The following KCNH5 variants were observed in gnomAD, a reference collection of about 807,000 sequenced individuals.
The protein encoded by KCNH5 is voltage-gated delayed rectifier potassium channel KCNH5.
A neutral mutation model predicts 96.1 loss-of-function variants in KCNH5; 46 were observed. The ratio of observed to expected loss-of-function variants is 0.48; its 90% CI spans 0.38 to 0.61. The LOEUF (loss-of-function observed/expected upper bound fraction) is 0.61, where lower values mean the gene tolerates loss of function less well. KCNH5 is among the 20% of genes least tolerant of loss of function. The probability of loss-of-function intolerance (pLI) is 0.00; values close to 1 mark genes in which losing one functional copy is unlikely to be tolerated. For missense variants in KCNH5, 907 were observed against 1,225.8 expected (o/e 0.74, Z 3.88); for synonymous variants, 439 against 449.8 (o/e 0.98, Z 0.30).
intron 5 of KCNH5, among the ~76,000 whole-genome samples, chr14:62,986,731 A>G (rs992667327): frequency 2.0e-5 from 3 of 152,066 alleles, no homozygotes; most frequent in Non-Finnish European, 2.9e-5. Flanking sequence ...TTCTTATTTA[A>G]CTTTACATCC....
intron 9 of KCNH5, among the ~76,000 whole-genome samples, chr14:62,797,273 T>G (rs554950990): frequency 6.6e-6 from 1 of 152,346 alleles, no homozygotes; most frequent in East Asian, 1.9e-4. Context: ...AGTGTATATT[T>G]TGAACCATAG....
At chr14:62,841,400 A>G (rs1272500871) in intron 8 of KCNH5, among the ~76,000 whole-genome samples, 1 of 152,230 alleles carries the variant, frequency 6.6e-6, no homozygotes, top group Non-Finnish European at 1.5e-5. Flanking sequence ...CAATCAAGGC[A>G]GCTCAGAATA....
chr14:62,876,294 A>C (rs1418999110), intron 7 of KCNH5, among the ~76,000 whole-genome samples: 1 of 152,244 alleles, frequency 6.6e-6, no homozygotes, highest in African/African-American at 2.4e-5. Flanking sequence ...CCTAAGATTC[A>C]AAGTAAATAA....
At chr14:63,041,053 AAAGGTATT>A (rs1482063963) in intron 1 of KCNH5, among the ~76,000 whole-genome samples, 3 of 152,006 alleles carry the variant, frequency 2.0e-5, no homozygotes, top group African/African-American at 7.2e-5. Flanking sequence ...TTTCTAGTTA[AAAGGTATT>A]AATTTGTAGT....
At position 62,903,074 on chromosome 14, in the gene KCNH5, CACAA is replaced by C. The variant is rs1362233114; in HGVS notation, c.1369+47055_1369+47058del. On this transcript the variant is annotated intron_variant, in intron 7 of 10. Coordinates refer to ENST00000322893, the MANE Select transcript of KCNH5 (RefSeq NM_139318.5). ...AATGTATGACAACTATGTGATTTTT[CACAA>C]ATTATTTAAAAATCTGAAAACTGAA... 1.4e-4 allele frequency among the ~76,000 whole-genome samples: 21 copies of C among 152,258 alleles called. 1 individual carries two copies. The East Asian group carries it at 3.9e-3, about 28-fold the overall frequency.
chr14:62,967,061 T>C (rs1310091291), intron 6 of KCNH5, among the ~76,000 whole-genome samples: 1 of 152,152 alleles, frequency 6.6e-6, no homozygotes, highest in African/African-American at 2.4e-5. Flanking sequence ...ATGCTCTACC[T>C]AATCTAATAC....
chr14:62,788,398 C>T (rs1886363800), intron 9 of KCNH5, among the ~76,000 whole-genome samples: 1 of 152,142 alleles, frequency 6.6e-6, no homozygotes, highest in Admixed American at 6.6e-5. Flanking sequence ...AAAGTGGTTT[C>T]TTGAGACAGA....
In KCNH5 at chr14:62,776,740, T is replaced by C. The variant is rs541938806; in HGVS notation, c.2019+2988A>G. Among the ~76,000 whole-genome samples the C allele has an allele frequency of 5.1e-4, 78 of 152,354 alleles. 1 individual carries two copies. Among genetic ancestry groups the C allele is most frequent in the African/African-American group, 1.8e-3 (74 of 41,598 alleles). Reference sequence around the variant, plus strand: ...TTTGATGGAATTCTAGTTATAGCTCTAGAATTTTTACATAGAGGGGCTTAA... The same window carrying C: ...TTTGATGGAATTCTAGTTATAGCTCCAGAATTTTTACATAGAGGGGCTTAA... On this transcript the variant is annotated intron_variant, in intron 10 of 10. Coordinates refer to ENST00000322893, the MANE Select transcript of KCNH5 (RefSeq NM_139318.5).
chr14:62,803,160 A>G (rs1006683554), intron 8 of KCNH5, among the ~76,000 whole-genome samples: 3 of 152,288 alleles, frequency 2.0e-5, no homozygotes, highest in South Asian at 4.1e-4. Flanking sequence ...CAAAACAAAA[A>G]CAAAACAGTT....
At chr14:63,006,611 T>G in intron 2 of KCNH5, 139 bp from the exon 3 acceptor site, 1 of 587,608 alleles carries the variant, frequency 1.7e-6, no homozygotes, top group Non-Finnish European at 3.0e-6. Context: ...AGTCAAATCA[T>G]GAGAGGCAGT....
At chr14:62,712,892 A>G (rs1393330558) in intron 10 of KCNH5, among the ~76,000 whole-genome samples, 1 of 152,148 alleles carries the variant, frequency 6.6e-6, no homozygotes, top group African/African-American at 2.4e-5. Flanking sequence ...CTTCAAGGAC[A>G]CCTTGTGTTT....
chr14:62,922,366 T>C (rs8004918), intron 7 of KCNH5, among the ~76,000 whole-genome samples: 18,936 of 152,024 alleles, frequency 0.12, 1,372 homozygotes, highest in East Asian at 0.28. Context: ...ATAGTAGACA[T>C]GCATATATAT....
At chr14:62,927,292 T>C (rs1243636742) in intron 7 of KCNH5, among the ~76,000 whole-genome samples, 1 of 152,086 alleles carries the variant, frequency 6.6e-6, no homozygotes, top group Non-Finnish European at 1.5e-5. Flanking sequence ...TTGGTGGGAA[T>C]GTGAAATGGT....
At chr14:62,990,819 T>C (rs1338860568) in intron 4 of KCNH5, among the ~76,000 whole-genome samples, 36 of 152,012 alleles carry the variant, frequency 2.4e-4, no homozygotes, top group Admixed American at 2.3e-3. Context: ...TGGAGAGGCC[T>C]TGGGAAAGAT....
intron 7 of KCNH5, among the ~76,000 whole-genome samples, chr14:62,914,804 C>G (rs905932387): frequency 6.6e-6 from 1 of 152,172 alleles, no homozygotes; most frequent in African/African-American, 2.4e-5. Flanking sequence ...TAATTTCTTA[C>G]AGCAGCCCAA....
chr14:62,969,145 A>C (rs1240099469), intron 6 of KCNH5, among the ~76,000 whole-genome samples: 1 of 152,196 alleles, frequency 6.6e-6, no homozygotes, highest in African/African-American at 2.4e-5. Context: ...AGATTAAATA[A>C]CACACTTTTA....
intron 8 of KCNH5, among the ~76,000 whole-genome samples, chr14:62,828,739 T>C (rs1887279550): frequency 1.3e-5 from 2 of 152,072 alleles, no homozygotes; most frequent in East Asian, 1.9e-4. Flanking sequence ...AAGCATATCA[T>C]TCCATCCCTG....
At chr14:62,958,871 C>T (rs981407888) in intron 6 of KCNH5, among the ~76,000 whole-genome samples, 1 of 152,152 alleles carries the variant, frequency 6.6e-6, no homozygotes, top group Admixed American at 6.6e-5. Context: ...TGTAAATTTA[C>T]CTGCTCACTA....
At chr14:63,040,592 A>G (rs569736345) in intron 1 of KCNH5, among the ~76,000 whole-genome samples, 1 of 152,294 alleles carries the variant, frequency 6.6e-6, no homozygotes, top group African/African-American at 2.4e-5. Context: ...CTTTCAAGAA[A>G]AAATGTCAAT....
Sources: allele counts gnomAD v4.1 joint callset (sites outside exome capture counted in the v4.1 genomes callset), GRCh38; gene constraint gnomAD v4.1.1; transcripts MANE v1.5; gene names NCBI Gene and HGNC (gene_info 2026-07-23, HGNC 2026-07-21).